Variants in RPL5 observed in about 807,000 individuals in gnomAD.
RPL5 encodes ribosomal protein L5, also known as large ribosomal subunit protein uL18.
Under a neutral mutation model 38.4 loss-of-function variants are expected in RPL5, and 1 was observed. The ratio of observed to expected loss-of-function variants is 0.03; its 90% confidence interval spans 0.01 to 0.12. The LOEUF (loss-of-function observed/expected upper bound fraction) is 0.12. Among genes scored for constraint, RPL5 ranks in the 10% least tolerant of loss-of-function variants. RPL5 has a pLI of 1.00. For missense variants in RPL5, 243 were observed against 374.1 expected (o/e 0.65, Z 2.89); for synonymous variants, 109 against 121.2 (o/e 0.90, Z 0.66).
intron 5 of RPL5, 154 bp downstream of exon 5, chr1:92,836,546 A>G: frequency 2.9e-6 from 2 of 699,530 alleles, no homozygotes; most frequent in Non-Finnish European, 5.0e-6. Flanking sequence ...TAGGGCAGGA[A>G]GGAATTATAG....
intron 5 of RPL5, chr1:92,837,031 G>T (rs1227523557): frequency 2.1e-5 from 6 of 280,466 alleles, no homozygotes. Flanking sequence ...TTATGATGTG[G>T]AGGTGGGTGG....
chr1:92,833,060 A>G lies in RPL5; in HGVS notation c.4-329A>G, dbSNP rs916284971. ...CTTGAAGAAACAAATATGGAAATTG[A>G]AAGCGTTTAAAACCTTTTGAAAGCA... On this transcript the variant is annotated intron_variant, in intron 1 of 7. Coordinates refer to ENST00000370321, the MANE Select transcript of RPL5 (RefSeq NM_000969.5). 6.9e-6 allele frequency: 5 copies of G among 727,850 alleles called. No individual in the cohort carries two copies. In the African/African-American group the frequency reaches 8.6e-5, roughly 12 times the overall value. 45.1% of individuals were successfully genotyped at this position (727,850 alleles called of 1,614,324 possible).
intron 1 of RPL5, 99 bp downstream of exon 1, chr1:92,832,216 G>A: frequency 6.4e-7 from 1 of 1,561,128 alleles, no homozygotes. Context: ...CGCAGGGGCC[G>A]GATGGCGTTA....
intron 5 of RPL5, 93 bp downstream of exon 5, chr1:92,836,485 T>A: frequency 1.7e-6 from 2 of 1,183,192 alleles, no homozygotes; most frequent in Non-Finnish European, 2.5e-6. Context: ...TTAAAGTAGC[T>A]ATCAATTGAA....
At position 92,841,769 on chromosome 1, in the gene RPL5, G is replaced by C. The variant is rs773298130; in HGVS notation, c.798G>C (p.Trp266Cys). Reference protein sequence around the residue: ...KPKKEVKKKRWNRPKMSLAQK... With the variant: ...KPKKEVKKKRCNRPKMSLAQK... ...TATATATTCCTATCTTTTGTAGGTGGAACCGTCCCAAAATGTCCCTTGCTC... is the reference window on the plus strand; with the variant it reads ...TATATATTCCTATCTTTTGTAGGTGCAACCGTCCCAAAATGTCCCTTGCTC... The change falls in exon 8 of 8, where the codon TGG (tryptophan) becomes TGC (cysteine). Residue 266 changes from tryptophan (W) to cysteine (C), a missense_variant. Trp to Cys is a radical substitution (Grantham distance 215, BLOSUM62 -2). Coordinates refer to ENST00000370321, the MANE Select transcript of RPL5 (RefSeq NM_000969.5). The C allele has an allele frequency of 6.2e-7, 1 of 1,609,406 alleles. No individual in the cohort carries two copies. The highest frequency in any genetic ancestry group is 8.5e-7 in the Non-Finnish European group (1 of 1,177,934).
chr1:92,839,097 C>T (rs754960801), intron 6 of RPL5, among the ~76,000 whole-genome samples: 6 of 149,278 alleles, frequency 4.0e-5, no homozygotes, highest in Admixed American at 1.3e-4. Flanking sequence ...TGGTGGCTCA[C>T]GCCTGTAATC....
Position 92,840,606 on chromosome 1 carries a change from A to T in RPL5, c.761A>T (p.Glu254Val). ...GCTATACGAGAGAATCCAGTCTATG[A>T]AAAGAAGCCCAAGAAAGAAGTTAAA... ...HAAIRENPVY[E>V]KKPKKEVKKK... Residue 254 changes from glutamate (E) to valine (V), a missense_variant, in exon 7 of 8, where the codon GAA becomes GTA. Transcript: ENST00000370321. The T allele has an allele frequency of 6.2e-7, 1 of 1,612,012 alleles. No homozygotes were observed. The highest frequency in any genetic ancestry group is 1.1e-5 in the South Asian group (1 of 91,066).
Position 92,833,452 on chromosome 1 carries a change from C to A in RPL5, c.67C>A (p.Arg23=). The A allele has an allele frequency of 6.2e-7, 1 of 1,613,896 alleles. No individual in the cohort carries two copies. Among genetic ancestry groups the A allele is most frequent in the Non-Finnish European group, 8.5e-7 (1 of 1,179,818 alleles). The change falls in exon 2 of 8, where the codon CGA becomes AGA. Residue 23 remains arginine, a synonymous_variant. Coordinates refer to ENST00000370321, the MANE Select transcript of RPL5 (RefSeq NM_000969.5). The part of the protein sequence containing the change: ...FKRYQVKFRR[R]REGKTDYYAR... ...GAGATACCAAGTGAAATTTAGAAGACGACGAGGTACTGTCACCTTTTTGTG... is the reference window on the plus strand; with the variant it reads ...GAGATACCAAGTGAAATTTAGAAGAAGACGAGGTACTGTCACCTTTTTGTG...
At position 92,832,060 on chromosome 1, in the gene RPL5, C is replaced by G. The variant is rs116168890; in HGVS notation, c.-55C>G. Reference sequence around the variant, plus strand: ...GTGGCCCTTTTCCCACCCCCTAGCGCCGCTGGGCCTGCAGGTCTCTGTCGA... The same window carrying G: ...GTGGCCCTTTTCCCACCCCCTAGCGGCGCTGGGCCTGCAGGTCTCTGTCGA... On this transcript the variant is annotated 5_prime_UTR_variant, in exon 1 of 8. Coordinates refer to ENST00000370321, the MANE Select transcript of RPL5 (RefSeq NM_000969.5). 1,740 of 1,612,354 alleles carry G rather than the reference C, an allele frequency of 1.1e-3. 16 individuals are homozygous for G. In the African/African-American group the frequency reaches 0.02, roughly 19 times the overall value.
intron 5 of RPL5, chr1:92,837,231 C>T (rs1687164937): frequency 7.0e-6 from 5 of 719,196 alleles, no homozygotes; most frequent in African/African-American, 1.7e-5. Context: ...TTGGTAATGG[C>T]TTTTAAAGGT....
chr1:92,838,257 T>C (rs1392375146), intron 6 of RPL5, among the ~76,000 whole-genome samples: 1 of 152,236 alleles, frequency 6.6e-6, no homozygotes, highest in Admixed American at 6.5e-5. Flanking sequence ...AAAGGCTGAA[T>C]AAACAAATAG....
rs200437092 is a variant in RPL5, at chr1:92,832,057, G to T, written c.-58G>T. ...GCTGTGGCCCTTTTCCCACCCCCTAGCGCCGCTGGGCCTGCAGGTCTCTGT... is the reference window on the plus strand; with the variant it reads ...GCTGTGGCCCTTTTCCCACCCCCTATCGCCGCTGGGCCTGCAGGTCTCTGT... On this transcript the variant is annotated 5_prime_UTR_variant, in exon 1 of 8. Transcript: ENST00000370321. 3,104 of 1,611,648 alleles carry T rather than the reference G, an allele frequency of 1.9e-3. 11 individuals are homozygous for T. The highest frequency in any genetic ancestry group is 2.2e-3 in the Non-Finnish European group (2,583 of 1,179,096).
chr1:92,837,202 T>G (rs1245178275), intron 5 of RPL5: 13 of 639,092 alleles, frequency 2.0e-5, no homozygotes, highest in African/African-American at 3.6e-5. Context: ...GATGACTAAT[T>G]TTGTAGTGGT....
At chr1:92,840,008 A>AT (rs111307161) in intron 6 of RPL5, among the ~76,000 whole-genome samples, 4,612 of 138,310 alleles carry the variant, frequency 0.033, 222 homozygotes, top group African/African-American at 0.11. Flanking sequence ...TGCCCTGCTA[A>AT]TTTTTTTTTT....
At position 92,833,624 on chromosome 1, in the gene RPL5, G is replaced by A; in HGVS notation, c.153G>A (p.Met51Ile). ...KNKYNTPKYRMIVRVTNRDII... is the reference protein window; with the variant it reads ...KNKYNTPKYRIIVRVTNRDII... ...AATACAACACACCCAAATACAGGAT[G>A]ATAGTTCGTGTGACAAACAGAGATA... Residue 51 changes from methionine (M) to isoleucine (I), a missense_variant, in exon 3 of 8, where the codon ATG becomes ATA. Met to Ile is a conservative substitution (Grantham distance 10). Coordinates refer to ENST00000370321, the MANE Select transcript of RPL5 (RefSeq NM_000969.5). 6.2e-7 allele frequency: 1 copy of A among 1,612,268 alleles called. No homozygotes were observed. The highest frequency in any genetic ancestry group is 8.5e-7 in the Non-Finnish European group (1 of 1,179,948).
Position 92,840,630 on chromosome 1 carries a change from A to G in RPL5, c.785A>G (p.Lys262Arg). Residue 262 changes from lysine to arginine, a missense_variant, in exon 7 of 8, where the codon AAA becomes AGA. Transcript: ENST00000370321. The part of the protein sequence containing the change: ...VYEKKPKKEV[K>R]KKRWNRPKMS... ...GAAAAGAAGCCCAAGAAAGAAGTTA[A>G]AAAGAAGAGGTATGTCGTCTTTTTT... The G allele has an allele frequency of 6.2e-7, 1 of 1,608,612 alleles. No individual in the cohort carries two copies. Among genetic ancestry groups the G allele is most frequent in the Non-Finnish European group, 8.5e-7 (1 of 1,179,472 alleles).
At position 92,837,511 on chromosome 1, in the gene RPL5, C is replaced by T. The variant is rs1687175925; in HGVS notation, c.583C>T (p.His195Tyr). ...SESKEFNAEV[H>Y]RKHIMGQNVA... ...AAGCAAGGAATTTAATGCAGAAGTA[C>T]ATCGGAAGCACATCATGGGCCAGAA... The change falls in exon 6 of 8, where the codon CAT (histidine) becomes TAT (tyrosine). Residue 195 changes from histidine to tyrosine, a missense_variant. Transcript: ENST00000370321. 1 of 1,612,396 alleles carries T rather than the reference C, an allele frequency of 6.2e-7. No individual in the cohort carries two copies. Among genetic ancestry groups the T allele is most frequent in the Admixed American group, 1.7e-5 (1 of 59,992 alleles).
At chr1:92,841,114 T>C (rs987963778) in intron 7 of RPL5, among the ~76,000 whole-genome samples, 1 of 152,270 alleles carries the variant, frequency 6.6e-6, no homozygotes, top group Non-Finnish European at 1.5e-5. Context: ...TTCATCATGC[T>C]GTGCAATAGA....
chr1:92,833,956 A>G (rs1311658500), intron 3 of RPL5: 1 of 381,118 alleles, frequency 2.6e-6, no homozygotes. Context: ...AAATGTAAGA[A>G]AATTAGCTGG....
Sources: allele counts gnomAD v4.1 joint callset (sites outside exome capture counted in the v4.1 genomes callset), GRCh38; gene constraint gnomAD v4.1.1; transcripts MANE v1.5; gene names NCBI Gene and HGNC (gene_info 2026-07-23, HGNC 2026-07-21).